The following TNRC6C variants were observed in gnomAD, a reference collection of about 807,000 sequenced individuals.
TNRC6C encodes the protein trinucleotide repeat-containing gene 6C protein.
In TNRC6C, 20 loss-of-function variants were observed where a neutral mutation model predicts 153.7. The ratio of observed to expected loss-of-function variants is 0.13; its 90% CI spans 0.09 to 0.19. The LOEUF (loss-of-function observed/expected upper bound fraction) is 0.19. TNRC6C is among the 10% of genes least tolerant of loss of function. The pLI is 1.00. For synonymous variants in TNRC6C, 811 were observed against 841.4 expected (o/e 0.96, Z 0.63); for missense variants, 1,987 against 2,172.0 (o/e 0.91, Z 1.69).
At chr17:78,088,157 A>G (rs1736251353) in intron 13 of TNRC6C, among the ~76,000 whole-genome samples, 1 of 152,156 alleles carries the variant, frequency 6.6e-6, no homozygotes, top group South Asian at 2.1e-4. Context: ...AATCATATGA[A>G]TCCTTTTTAC....
At chr17:77,970,253 T>G (rs1385783943) in intron 1 of TNRC6C, among the ~76,000 whole-genome samples, 1 of 152,174 alleles carries the variant, frequency 6.6e-6, no homozygotes, top group African/African-American at 2.4e-5. Flanking sequence ...TTTTGTTTCT[T>G]GGTTCTTTTT....
intron 2 of TNRC6C, among the ~76,000 whole-genome samples, chr17:78,042,840 T>A (rs536541940): frequency 2.0e-5 from 3 of 151,866 alleles, no homozygotes; most frequent in Non-Finnish European, 4.4e-5. Flanking sequence ...GTGGTGATGG[T>A]GGTGGTGGTG....
At chr17:78,101,152 G>T (rs147557885) in intron 17 of TNRC6C, among the ~76,000 whole-genome samples, 115 of 152,268 alleles carry the variant, frequency 7.6e-4, no homozygotes, top group African/African-American at 2.7e-3. Flanking sequence ...CCTCTTGAAG[G>T]CTTTGCTGCT....
At chr17:78,037,662 G>A (rs1252489569) in intron 2 of TNRC6C, among the ~76,000 whole-genome samples, 4 of 152,190 alleles carry the variant, frequency 2.6e-5, no homozygotes, top group Admixed American at 2.6e-4. Context: ...GTGGCGGGGG[G>A]CAGTGGGAAG....
chr17:77,969,450 A>G (rs1330722530), intron 1 of TNRC6C, among the ~76,000 whole-genome samples: 1 of 151,874 alleles, frequency 6.6e-6, no homozygotes, highest in African/African-American at 2.4e-5. Context: ...GGGTTTCACC[A>G]TGTTGGCCAG....
At chr17:78,098,875 G>A (rs982801855) in intron 17 of TNRC6C, among the ~76,000 whole-genome samples, 10 of 152,162 alleles carry the variant, frequency 6.6e-5, no homozygotes, top group Non-Finnish European at 1.3e-4. Context: ...CCTGCACAGC[G>A]CTTTAGGCTC....
At chr17:78,089,305 A>T (rs1415790542) in intron 13 of TNRC6C, among the ~76,000 whole-genome samples, 1 of 152,146 alleles carries the variant, frequency 6.6e-6, no homozygotes. Flanking sequence ...CTCTTAGTAC[A>T]AGTTAAAGAA....
In TNRC6C at chr17:78,104,391, A is replaced by G. The variant is rs1347118272; in HGVS notation, c.4713-94A>G. 1.9e-5 allele frequency: 26 copies of G among 1,402,502 alleles called. No homozygotes were observed. Among genetic ancestry groups the G allele is most frequent in the Non-Finnish European group, 2.3e-5 (25 of 1,076,178 alleles). 86.9% of individuals were successfully genotyped at this position (1,402,502 alleles called of 1,614,324 possible). A position where few individuals can be genotyped will look rare whatever the true frequency, so the allele number is the denominator to read the frequency against. ...AAACAGAAGCCACAGGATGGCTTCC[A>G]TGTGGGGCCGTTCCCAATACAGAGA... On this transcript the variant is annotated intron_variant, in intron 19 of 19. Transcript: ENST00000301624. This position sits in a 1 kb window ranked among gnomAD's most constrained non-coding sequence, Gnocchi z 6.2.
upstream of TNRC6C, among the ~76,000 whole-genome samples, chr17:77,957,818 G>A (rs2070819735): frequency 6.6e-6 from 1 of 152,270 alleles, no homozygotes; most frequent in African/African-American, 2.4e-5. Flanking sequence ...TCGAGGAGCC[G>A]TGGAATGGAG....
At chr17:78,050,911 T>C (rs966693584) in exon 3 of TNRC6C, 1 of 1,613,456 alleles carries the variant, frequency 6.2e-7, no homozygotes, top group Non-Finnish European at 8.5e-7. Context: ...AAAAAATGGA[T>C]CTGGATGGGA....
intron 3 of TNRC6C, among the ~76,000 whole-genome samples, chr17:78,053,026 C>T (rs971200824): frequency 2.4e-4 from 37 of 152,174 alleles, no homozygotes; most frequent in Admixed American, 2.2e-3. Context: ...ATTCACATGG[C>T]AGCAGTCAGT....
At chr17:77,987,547 G>A (rs2071186868) in intron 1 of TNRC6C, among the ~76,000 whole-genome samples, 2 of 152,162 alleles carry the variant, frequency 1.3e-5, no homozygotes, top group African/African-American at 4.8e-5. Context: ...TATAAACAAA[G>A]GGGATTAGTG....
chr17:78,052,710 C>T lies in TNRC6C; in HGVS notation c.2395+1253C>T, dbSNP rs949602287. On this transcript the variant is annotated intron_variant, in intron 3 of 19. Transcript: ENST00000301624. Reference sequence around the variant, plus strand: ...TTATGACTGCCCTACAGGACCTCCCCTGGCCCACCAGCTGGGCCCTCCAGC... The same window carrying T: ...TTATGACTGCCCTACAGGACCTCCCTTGGCCCACCAGCTGGGCCCTCCAGC... 5.3e-5 allele frequency among the ~76,000 whole-genome samples: 8 copies of T among 152,084 alleles called. No individual in the cohort carries two copies. The South Asian group carries it at 1.7e-3, about 32-fold the overall frequency.
chr17:78,052,413 G>A (rs532787071), intron 3 of TNRC6C, among the ~76,000 whole-genome samples: 49 of 152,160 alleles, frequency 3.2e-4, no homozygotes, highest in Non-Finnish European at 6.8e-4. Flanking sequence ...TAGTAGCTGG[G>A]GAAACTGCAG....
intron 1 of TNRC6C, among the ~76,000 whole-genome samples, chr17:77,992,977 T>A (rs751647067): frequency 8.5e-5 from 13 of 152,170 alleles, no homozygotes; most frequent in Admixed American, 2.6e-4. Context: ...ATTTTTATTT[T>A]TTTTTTGAGA....
intron 16 of TNRC6C, 88 bp from the exon 19 acceptor site, chr17:78,097,657 G>A: frequency 1.1e-6 from 1 of 902,010 alleles, no homozygotes; most frequent in East Asian, 2.8e-5. Flanking sequence ...GGGAGAGGTT[G>A]ATTCCTGATG....
chr17:78,047,627 GT>G (rs2143953773), intron 2 of TNRC6C, among the ~76,000 whole-genome samples: 2 of 151,982 alleles, frequency 1.3e-5, no homozygotes, highest in African/African-American at 4.8e-5. Context: ...TGTTTTAATT[GT>G]CCATACGATT....
chr17:78,072,851 G>T lies in TNRC6C; in HGVS notation c.2860-186G>T, dbSNP rs536937951. Reference sequence around the variant, plus strand: ...GGGCTTTACTTTGAAAATCAAGTCAGTACATTTTCTTATTACAAGTATTTT... The same window carrying T: ...GGGCTTTACTTTGAAAATCAAGTCATTACATTTTCTTATTACAAGTATTTT... On this transcript the variant is annotated intron_variant, in intron 6 of 19. Transcript: ENST00000301624. Among the ~76,000 whole-genome samples the T allele has an allele frequency of 2.0e-5, 3 of 152,296 alleles. No homozygotes were observed. The East Asian group carries it at 5.8e-4, about 29-fold the overall frequency.
intron 10 of TNRC6C, among the ~76,000 whole-genome samples, chr17:78,081,525 C>CA (rs1227854994): frequency 1.2e-4 from 19 of 152,110 alleles, no homozygotes; most frequent in Admixed American, 5.9e-4. Context: ...GCCACCATAA[C>CA]AAAGAGGCCT....
Sources: allele counts gnomAD v4.1 joint callset (sites outside exome capture counted in the v4.1 genomes callset), GRCh38; gene constraint gnomAD v4.1.1; non-coding constraint Gnocchi (gnomAD v3.1); transcripts MANE v1.5; gene names NCBI Gene and HGNC (gene_info 2026-07-23, HGNC 2026-07-21).